RIMS1: variants seen among roughly 807,000 people sequenced by gnomAD.
The protein encoded by RIMS1 is regulating synaptic membrane exocytosis protein 1.
In RIMS1, 83 loss-of-function variants were observed where a neutral mutation model predicts 214.1. The ratio of observed to expected loss-of-function variants is 0.39; its 90% CI spans 0.32 to 0.47. The LOEUF (loss-of-function observed/expected upper bound fraction) is 0.47, where lower values mean the gene tolerates loss of function less well. Ranked by LOEUF, RIMS1 falls within the 20% of genes least tolerant of loss-of-function variation. RIMS1 has a pLI of 0.99. For missense variants in RIMS1, 2,050 were observed against 2,161.8 expected (o/e 0.95, Z 1.03); for synonymous variants, 793 against 786.8 (o/e 1.01, Z -0.13).
At chr6:72,335,249 G>C (rs1387290144) in intron 29 of RIMS1, among the ~76,000 whole-genome samples, 1 of 151,876 alleles carries the variant, frequency 6.6e-6, no homozygotes, top group Non-Finnish European at 1.5e-5. Context: ...CTGCTGACAG[G>C]CCCCGGTGTG....
At chr6:71,897,594 A>C (rs1270839739) in intron 1 of RIMS1, among the ~76,000 whole-genome samples, 1 of 152,100 alleles carries the variant, frequency 6.6e-6, no homozygotes, top group Non-Finnish European at 1.5e-5. Context: ...CTCAAGTGAC[A>C]CCTTATCTGG....
intron 4 of RIMS1, among the ~76,000 whole-genome samples, chr6:72,171,558 T>C (rs2047038533): frequency 6.6e-6 from 1 of 152,188 alleles, no homozygotes; most frequent in Non-Finnish European, 1.5e-5. Flanking sequence ...AGATGTATTA[T>C]TTCATTTAAT....
chr6:72,215,236 T>A (rs1302479722), intron 6 of RIMS1, among the ~76,000 whole-genome samples: 1 of 152,202 alleles, frequency 6.6e-6, no homozygotes, highest in African/African-American at 2.4e-5. Flanking sequence ...GTTCAGCAAG[T>A]ATAAGACTTC....
chr6:72,075,634 T>C (rs1335819165), intron 2 of RIMS1, among the ~76,000 whole-genome samples: 2 of 152,280 alleles, frequency 1.3e-5, no homozygotes, highest in African/African-American at 4.8e-5. Flanking sequence ...ATTATTTAAC[T>C]AAGATTAGAA....
intron 1 of RIMS1, among the ~76,000 whole-genome samples, chr6:71,929,185 A>G (rs1238122856): frequency 6.6e-6 from 1 of 152,084 alleles, no homozygotes; most frequent in African/African-American, 2.4e-5. Flanking sequence ...GGTACTCTCC[A>G]TGAGAGCAGA....
intron 6 of RIMS1, among the ~76,000 whole-genome samples, chr6:72,230,338 T>TAC (rs2061552318): frequency 6.6e-6 from 1 of 151,680 alleles, no homozygotes; most frequent in Non-Finnish European, 1.5e-5. Context: ...GAAGTTCAAA[T>TAC]TTTCTAATAC....
At chr6:72,292,400 A>AT (rs1254199680) in intron 26 of RIMS1, among the ~76,000 whole-genome samples, 2 of 152,172 alleles carry the variant, frequency 1.3e-5, no homozygotes, top group African/African-American at 4.8e-5. Context: ...CTTTTAAAAG[A>AT]TTTTTTAAAA....
intron 24 of RIMS1, 29 bp downstream of exon 24, chr6:72,284,147 T>G: frequency 6.3e-7 from 1 of 1,582,966 alleles, no homozygotes; most frequent in Non-Finnish European, 8.7e-7. Flanking sequence ...TGTGCTGACA[T>G]CTTCCATTTT....
At chr6:72,212,279 T>C (rs1043748087) in intron 6 of RIMS1, among the ~76,000 whole-genome samples, 1 of 151,286 alleles carries the variant, frequency 6.6e-6, no homozygotes, top group Non-Finnish European at 1.5e-5. Context: ...ATTTCAGAAA[T>C]GTGTATTAGT....
chr6:72,280,477 A>C (rs1163595652), intron 23 of RIMS1, among the ~76,000 whole-genome samples: 1 of 152,024 alleles, frequency 6.6e-6, no homozygotes, highest in Non-Finnish European at 1.5e-5. Context: ...ATAACATTAG[A>C]ATTTTCTATT....
intron 2 of RIMS1, among the ~76,000 whole-genome samples, chr6:72,006,153 T>C (rs1186630315): frequency 6.6e-6 from 1 of 152,064 alleles, no homozygotes; most frequent in African/African-American, 2.4e-5. Context: ...CAGCACCAAT[T>C]CCATTCATAA....
intron 1 of RIMS1, among the ~76,000 whole-genome samples, chr6:71,959,930 A>G (rs1792424741): frequency 6.6e-6 from 1 of 152,142 alleles, no homozygotes; most frequent in Non-Finnish European, 1.5e-5. Context: ...ATAATATATG[A>G]TATGTGACTA....
intron 2 of RIMS1, among the ~76,000 whole-genome samples, chr6:71,986,296 G>A (rs1451556401): frequency 3.3e-5 from 5 of 151,520 alleles, no homozygotes; most frequent in Non-Finnish European, 7.4e-5. Context: ...ATAATAGGAA[G>A]CTTGTTTGTT....
intron 4 of RIMS1, among the ~76,000 whole-genome samples, chr6:72,161,165 T>C (rs1179730064): frequency 7.1e-6 from 1 of 141,052 alleles, no homozygotes; most frequent in Non-Finnish European, 1.6e-5. Flanking sequence ...TTTTCTAGTT[T>C]ATTTGCATAG....
chr6:72,109,548 G>A (rs1019663648), intron 4 of RIMS1, among the ~76,000 whole-genome samples: 1 of 151,494 alleles, frequency 6.6e-6, no homozygotes, highest in Non-Finnish European at 1.5e-5. Flanking sequence ...TGATGGGGTT[G>A]TTTGTTTTTT....
intron 6 of RIMS1, among the ~76,000 whole-genome samples, chr6:72,190,100 T>C (rs1329038426): frequency 6.6e-6 from 1 of 152,152 alleles, no homozygotes; most frequent in East Asian, 1.9e-4. Flanking sequence ...TACAACCAGG[T>C]ACACTGGTCG....
intron 19 of RIMS1, chr6:72,262,652 T>A (rs1379237946): frequency 1.1e-6 from 1 of 878,476 alleles, no homozygotes; most frequent in Non-Finnish European, 1.4e-6. Context: ...AAAACATTAA[T>A]TTATATCTGT....
intron 2 of RIMS1, among the ~76,000 whole-genome samples, chr6:72,050,750 C>A (rs911866658): frequency 2.0e-5 from 3 of 152,072 alleles, no homozygotes; most frequent in Non-Finnish European, 1.5e-5. Context: ...GGGTGTATAT[C>A]CAAATGTCTG....
At chr6:72,046,706 A>G (rs921340411) in intron 2 of RIMS1, among the ~76,000 whole-genome samples, 3 of 152,118 alleles carry the variant, frequency 2.0e-5, no homozygotes, top group African/African-American at 7.2e-5. Context: ...TTTTGAAAAC[A>G]AGGAATTCCA....
Sources: gnomAD v4.1 joint callset for allele counts (sites outside exome capture counted in the v4.1 genomes callset) on GRCh38, gnomAD v4.1.1 for gene constraint, MANE v1.5 for transcripts, NCBI Gene and HGNC (gene_info 2026-07-23, HGNC 2026-07-21) for gene names.